Variants in CSMD1 observed in about 807,000 individuals in gnomAD.
CSMD1 encodes CUB and sushi domain-containing protein 1.
A neutral mutation model predicts 417.5 loss-of-function variants in CSMD1; 213 were observed. That is an observed-to-expected ratio of 0.51 (90% CI 0.46 to 0.57). The LOEUF (loss-of-function observed/expected upper bound fraction) is 0.57, where lower values mean the gene tolerates loss of function less well. Among genes scored for constraint, CSMD1 ranks in the 20% least tolerant of loss-of-function variants. The probability of loss-of-function intolerance (pLI) is 0.00; values close to 1 mark genes in which losing one functional copy is unlikely to be tolerated. For missense variants in CSMD1, 6,923 were observed against 4,529.7 expected, an observed-to-expected ratio of 1.53 and a Z score of -15.17; for synonymous variants, 2,862 against 1,736.8, an observed-to-expected ratio of 1.65 and a Z score of -16.11.
intron 23 of CSMD1, among the ~76,000 whole-genome samples, 158 bp downstream of exon 23, chr8:3,343,136 G>A (rs550227164): frequency 1.3e-5 from 2 of 152,092 alleles, no homozygotes; most frequent in South Asian, 2.1e-4. Flanking sequence ...TAATGTGTCC[G>A]AATATACAAC....
At chr8:3,170,361 C>G in intron 37 of CSMD1, among the ~76,000 whole-genome samples, 1 of 152,182 alleles carries the variant, frequency 6.6e-6, no homozygotes, top group Admixed American at 6.5e-5. Flanking sequence ...GCGCCTACCA[C>G]CATACCTGGC....
rs1801295747 is a variant in CSMD1 at position 3,708,320 on chromosome 8, G to A, written c.1009+94C>T. 1.3e-5 allele frequency: 12 copies of A among 934,720 alleles called. No individual in the cohort carries two copies. In the South Asian group the frequency reaches 1.7e-4, roughly 13 times the overall value. 57.9% of individuals were successfully genotyped at this position (934,720 alleles called of 1,614,324 possible). On this transcript the variant is annotated intron_variant, in intron 7 of 69. Transcript: ENST00000635120. ...GAAAAGAAGGAAGAGATAACGTGGG[G>A]AAGGTGGTGGGTGGGATCGCTTCTT...
At chr8:4,224,425 A>T (rs1801224294) in intron 3 of CSMD1, among the ~76,000 whole-genome samples, 1 of 152,168 alleles carries the variant, frequency 6.6e-6, no homozygotes, top group African/African-American at 2.4e-5. Context: ...TACACCTAGG[A>T]AATCTTTTAA....
intron 37 of CSMD1, among the ~76,000 whole-genome samples, chr8:3,167,698 C>T (rs1027848866): frequency 6.6e-6 from 1 of 152,184 alleles, no homozygotes; most frequent in African/African-American, 2.4e-5. Context: ...ATCTAAAACA[C>T]AGCCATTAAG....
chr8:3,172,918 C>G (rs1268895645), intron 37 of CSMD1, among the ~76,000 whole-genome samples: 44 of 152,122 alleles, frequency 2.9e-4, no homozygotes, highest in Non-Finnish European at 4.4e-5. Context: ...AGCAGGAGGT[C>G]AGCTTGGAAG....
intron 3 of CSMD1, among the ~76,000 whole-genome samples, chr8:4,228,976 G>C (rs1000238032): frequency 6.6e-6 from 1 of 152,086 alleles, no homozygotes. Flanking sequence ...CAGGACCCCT[G>C]ATTTTAAAGC....
At chr8:3,758,182 T>C (rs1442446441) in intron 5 of CSMD1, among the ~76,000 whole-genome samples, 5 of 152,132 alleles carry the variant, frequency 3.3e-5, no homozygotes, top group African/African-American at 1.2e-4. Flanking sequence ...CAGGCTGGTC[T>C]CAAACTCCTG....
At chr8:4,602,716 A>G (rs933380026) in intron 2 of CSMD1, among the ~76,000 whole-genome samples, 1 of 152,194 alleles carries the variant, frequency 6.6e-6, no homozygotes, top group African/African-American at 2.4e-5. Flanking sequence ...GTTGTTATCT[A>G]CAAGGAAGCC....
chr8:3,816,315 G>A (rs1295457224), intron 5 of CSMD1, among the ~76,000 whole-genome samples: 1 of 152,110 alleles, frequency 6.6e-6, no homozygotes, highest in Admixed American at 6.6e-5. Context: ...CCCTTGCTGT[G>A]TTTTCAGCTA....
In CSMD1 at chr8:4,651,055, A is replaced by G. The variant is rs935669428; in HGVS notation, c.86-13497T>C. On this transcript the variant is annotated intron_variant, in intron 1 of 69. Coordinates refer to ENST00000635120, the MANE Select transcript of CSMD1 (RefSeq NM_033225.6). The stretch of plus-strand genomic sequence containing the variant: ...CTGATCAAAGCAGTACAAAGGATCA[A>G]AACTTTTAGATCTAGTGCAGATGTC... Among the ~76,000 whole-genome samples, 32 of 152,228 alleles carry G rather than the reference A, an allele frequency of 2.1e-4. No individual in the cohort carries two copies. The East Asian group carries it at 4.0e-3, about 19-fold the overall frequency.
intron 50 of CSMD1, among the ~76,000 whole-genome samples, chr8:3,035,986 A>T (rs1251052984): frequency 6.6e-6 from 1 of 152,200 alleles, no homozygotes; most frequent in Non-Finnish European, 1.5e-5. Context: ...ACCATTGACT[A>T]TGTTGATATG....
At chr8:4,243,615 C>G (rs531607445) in intron 3 of CSMD1, among the ~76,000 whole-genome samples, 20 of 152,118 alleles carry the variant, frequency 1.3e-4, no homozygotes, top group African/African-American at 4.8e-4. Flanking sequence ...TTTCCTTAAC[C>G]ACCGAAAACA....
intron 5 of CSMD1, among the ~76,000 whole-genome samples, chr8:3,926,950 G>C (rs567270787): frequency 1.5e-3 from 229 of 151,868 alleles, no homozygotes; most frequent in African/African-American, 4.9e-3. Context: ...TCCTGACATC[G>C]TGATCCACCC....
At chr8:3,290,733 A>G (rs188878350) in intron 25 of CSMD1, among the ~76,000 whole-genome samples, 3,190 of 146,872 alleles carry the variant, frequency 0.022, 148 homozygotes, top group East Asian at 0.032. Context: ...GGGCTGAGAC[A>G]ATGGGGTTTT....
intron 7 of CSMD1, 125 bp downstream of exon 7, chr8:3,708,289 G>A: frequency 1.4e-6 from 1 of 721,616 alleles, no homozygotes; most frequent in East Asian, 2.6e-5. Context: ...AATACTTTTG[G>A]ATATAGAAAA....
intron 54 of CSMD1, among the ~76,000 whole-genome samples, chr8:2,987,152 G>T (rs1408951917): frequency 6.6e-6 from 1 of 151,952 alleles, no homozygotes; most frequent in Non-Finnish European, 1.5e-5. Context: ...ATAATAAACA[G>T]CTTATATTAA....
At chr8:3,803,333 C>T (rs994374998) in intron 5 of CSMD1, among the ~76,000 whole-genome samples, 7 of 152,142 alleles carry the variant, frequency 4.6e-5, no homozygotes, top group Non-Finnish European at 1.0e-4. Context: ...TACACAAATA[C>T]TTCAATAGAC....
chr8:4,136,932 G>A (rs552154442), intron 3 of CSMD1, among the ~76,000 whole-genome samples: 3 of 152,250 alleles, frequency 2.0e-5, no homozygotes, highest in East Asian at 1.9e-4. Context: ...CCAAGTACTA[G>A]ATTAAAATAT....
At chr8:4,156,177 G>T (rs888035257) in intron 3 of CSMD1, among the ~76,000 whole-genome samples, 2 of 152,152 alleles carry the variant, frequency 1.3e-5, no homozygotes, top group African/African-American at 4.8e-5. Flanking sequence ...TGAGGGGTGT[G>T]GGAACAAGGT....
Sources: allele counts gnomAD v4.1 joint callset (sites outside exome capture counted in the v4.1 genomes callset), GRCh38; gene constraint gnomAD v4.1.1; transcripts MANE v1.5; gene names NCBI Gene and HGNC (gene_info 2026-07-23, HGNC 2026-07-21).